CNTNAP4: variants seen among roughly 807,000 people sequenced by gnomAD.
The protein encoded by CNTNAP4 is contactin-associated protein-like 4.
A neutral mutation model predicts 148.4 loss-of-function variants in CNTNAP4; 98 were observed. The observed-to-expected ratio is 0.66, with a 90% CI of 0.56 to 0.78. CNTNAP4 has a LOEUF of 0.78. Among genes scored for constraint, CNTNAP4 ranks in the 30% least tolerant of loss-of-function variants. The pLI is 0.00. For missense variants in CNTNAP4, 1,935 were observed against 1,565.6 expected (o/e 1.24, Z -3.98); for synonymous variants, 730 against 565.1 (o/e 1.29, Z -4.14).
intron 2 of CNTNAP4, among the ~76,000 whole-genome samples, chr16:76,342,188 T>C (rs1487872474): frequency 5.9e-5 from 9 of 152,196 alleles, no homozygotes; most frequent in Non-Finnish European, 1.5e-5. Context: ...ATAATGCCCC[T>C]GGCTGTCATA....
At chr16:76,302,083 C>G (rs1040350269) in intron 1 of CNTNAP4, among the ~76,000 whole-genome samples, 8 of 152,010 alleles carry the variant, frequency 5.3e-5, no homozygotes, top group African/African-American at 1.9e-4. Context: ...CGACCATTAC[C>G]ATGGTGACTT....
chr16:76,495,449 G>T (rs2082369795), intron 14 of CNTNAP4, among the ~76,000 whole-genome samples: 1 of 151,888 alleles, frequency 6.6e-6, no homozygotes, highest in East Asian at 1.9e-4. Context: ...TATCAACTTA[G>T]AATTTACTAC....
intron 17 of CNTNAP4, among the ~76,000 whole-genome samples, chr16:76,525,929 C>T (rs144094157): frequency 0.011 from 1,714 of 149,914 alleles, 42 homozygotes; most frequent in African/African-American, 0.04. Flanking sequence ...AGTTTATTTA[C>T]ATATAGTTCA....
At chr16:76,289,962 T>C (rs2143819410) in intron 1 of CNTNAP4, among the ~76,000 whole-genome samples, 1 of 152,332 alleles carries the variant, frequency 6.6e-6, no homozygotes, top group East Asian at 1.9e-4. Context: ...CGTTTCATCC[T>C]CCTCATGGTA....
rs1322751440 is a variant in CNTNAP4, at chr16:76,525,420, C to A, written c.2755+3163C>A. 2.0e-5 allele frequency among the ~76,000 whole-genome samples: 3 copies of A among 148,360 alleles called. No homozygotes were observed. The Admixed American group carries it at 2.0e-4, about 10-fold the overall frequency. On this transcript the variant is annotated intron_variant, in intron 17 of 23. Transcript: ENST00000611870. ...CAATTAAAAAAATCTGTCTATCCAT[C>A]TATCTAGAAAAAAATCTATATAGAG...
At chr16:76,421,058 C>T (rs1034374455) in intron 3 of CNTNAP4, among the ~76,000 whole-genome samples, 3 of 151,958 alleles carry the variant, frequency 2.0e-5, no homozygotes, top group Non-Finnish European at 2.9e-5. Context: ...CAGATTACAG[C>T]CAAGTTTGCA....
intron 1 of CNTNAP4, among the ~76,000 whole-genome samples, chr16:76,310,461 A>G (rs1960979584): frequency 1.3e-5 from 2 of 152,186 alleles, no homozygotes; most frequent in African/African-American, 4.8e-5. Context: ...AGGAAAATAG[A>G]TGTCTTGAAG....
chr16:76,460,329 G>T (rs558752296), intron 8 of CNTNAP4, among the ~76,000 whole-genome samples: 51 of 151,372 alleles, frequency 3.4e-4, no homozygotes, highest in African/African-American at 1.2e-3. Flanking sequence ...GGCTGGTCTC[G>T]AACTCCCGAC....
At chr16:76,492,649 A>G (rs1455842028) in intron 13 of CNTNAP4, among the ~76,000 whole-genome samples, 2 of 152,182 alleles carry the variant, frequency 1.3e-5, no homozygotes, top group Non-Finnish European at 2.9e-5. Flanking sequence ...AGTTTCCTCC[A>G]TACTGTTCTC....
chr16:76,446,909 T>C (rs1009128597), intron 4 of CNTNAP4, among the ~76,000 whole-genome samples: 1 of 152,148 alleles, frequency 6.6e-6, no homozygotes, highest in Non-Finnish European at 1.5e-5. Context: ...ACTTTAGAAT[T>C]CCAAGAACTC....
intron 3 of CNTNAP4, among the ~76,000 whole-genome samples, chr16:76,401,847 T>C (rs550270770): frequency 5.9e-4 from 90 of 152,370 alleles, no homozygotes; most frequent in African/African-American, 2.0e-3. Context: ...ATCACACTTA[T>C]TGATTTGCAT....
At chr16:76,545,041 T>C (rs2084648624) in intron 21 of CNTNAP4, among the ~76,000 whole-genome samples, 1 of 152,208 alleles carries the variant, frequency 6.6e-6, no homozygotes. Flanking sequence ...ACTGTGATTT[T>C]ATAAATATAT....
At chr16:76,488,649 T>C (rs1392283302) in intron 12 of CNTNAP4, among the ~76,000 whole-genome samples, 1 of 152,224 alleles carries the variant, frequency 6.6e-6, no homozygotes, top group African/African-American at 2.4e-5. Context: ...AGAAGAGTTA[T>C]GTGACTTAAC....
At chr16:76,438,677 C>T (rs1056361933) in intron 4 of CNTNAP4, among the ~76,000 whole-genome samples, 11 of 152,066 alleles carry the variant, frequency 7.2e-5, no homozygotes, top group African/African-American at 2.2e-4. Context: ...CCATCCAGCT[C>T]GCCACTGTCT....
chr16:76,489,319 G>A (rs558791301), intron 12 of CNTNAP4, among the ~76,000 whole-genome samples: 156 of 152,084 alleles, frequency 1.0e-3, no homozygotes, highest in Middle Eastern at 6.8e-3. Context: ...CTTTCTTGCA[G>A]AGAAATAAAA....
chr16:76,453,934 A>T (rs904811669), intron 8 of CNTNAP4, among the ~76,000 whole-genome samples: 2 of 152,142 alleles, frequency 1.3e-5, no homozygotes, highest in Non-Finnish European at 2.9e-5. Flanking sequence ...TTAATAATTA[A>T]TAGGCCCTGA....
At chr16:76,536,368 G>C (rs1030789299) in intron 18 of CNTNAP4, among the ~76,000 whole-genome samples, 1 of 151,896 alleles carries the variant, frequency 6.6e-6, no homozygotes, top group African/African-American at 2.4e-5. Flanking sequence ...GCTAATTGTT[G>C]TATTTTTAGT....
intron 21 of CNTNAP4, among the ~76,000 whole-genome samples, chr16:76,544,250 C>A: frequency 6.6e-6 from 1 of 150,540 alleles, no homozygotes; most frequent in African/African-American, 2.4e-5. Flanking sequence ...ACAATTACAA[C>A]AAACGACTTA....
chr16:76,288,451 C>A (rs1028588111), intron 1 of CNTNAP4, among the ~76,000 whole-genome samples: 2 of 152,072 alleles, frequency 1.3e-5, no homozygotes, highest in Admixed American at 6.6e-5. Flanking sequence ...GTTCCCTTTG[C>A]GTAAATTACC....
Sources: gnomAD v4.1 joint callset for allele counts (sites outside exome capture counted in the v4.1 genomes callset) on GRCh38, gnomAD v4.1.1 for gene constraint, MANE v1.5 for transcripts, NCBI Gene and HGNC (gene_info 2026-07-23, HGNC 2026-07-21) for gene names.